FILIP1: variants seen among roughly 807,000 people sequenced by gnomAD.
The protein encoded by FILIP1 is filamin A interacting protein 1.
A neutral mutation model predicts 102.1 loss-of-function variants in FILIP1; 61 were observed. The ratio of observed to expected loss-of-function variants is 0.60; its 90% confidence interval spans 0.49 to 0.74. FILIP1 has a LOEUF of 0.74. Among genes scored for constraint, FILIP1 ranks in the 30% least tolerant of loss-of-function variants. FILIP1 has a pLI of 0.00. For missense variants in FILIP1, 1,314 were observed against 1,441.2 expected, an observed-to-expected ratio of 0.91 and a Z score of 1.43; for synonymous variants, 491 against 526.9, an observed-to-expected ratio of 0.93 and a Z score of 0.93.
intron 1 of FILIP1, among the ~76,000 whole-genome samples, chr6:75,468,537 G>T (rs1779239336): frequency 6.6e-6 from 1 of 152,182 alleles, no homozygotes; most frequent in South Asian, 2.1e-4. Context: ...AGAACAAATT[G>T]CTGACCTGTA....
At chr6:75,348,084 CACAT>C (rs774380559) in intron 4 of FILIP1, among the ~76,000 whole-genome samples, 60 of 151,614 alleles carry the variant, frequency 4.0e-4, no homozygotes, top group East Asian at 1.5e-3. Flanking sequence ...CACACACACA[CACAT>C]ACACACACTT....
chr6:75,296,137 C>T (rs1772660850), intron 6 of FILIP1, among the ~76,000 whole-genome samples: 3 of 152,102 alleles, frequency 2.0e-5, no homozygotes, highest in Admixed American at 6.5e-5. Flanking sequence ...TACTTTACCT[C>T]GAAATTTCTT....
At chr6:75,438,820 G>A (rs1778109347) in intron 1 of FILIP1, among the ~76,000 whole-genome samples, 1 of 152,170 alleles carries the variant, frequency 6.6e-6, no homozygotes, top group African/African-American at 2.4e-5. Flanking sequence ...CTAGAATGTT[G>A]CTTCTACTCA....
intron 1 of FILIP1, among the ~76,000 whole-genome samples, chr6:75,488,143 T>C (rs907578644): frequency 5.3e-5 from 8 of 152,160 alleles, no homozygotes; most frequent in African/African-American, 1.9e-4. Flanking sequence ...AACTTTCTTT[T>C]GATGTCTCAG....
At chr6:75,345,527 A>T (rs1562483541) in intron 4 of FILIP1, among the ~76,000 whole-genome samples, 1 of 151,740 alleles carries the variant, frequency 6.6e-6, no homozygotes, top group Non-Finnish European at 1.5e-5. Context: ...AGCCTCACGT[A>T]CAGTAAGGAG....
chr6:75,391,688 T>C (rs1412018723), intron 2 of FILIP1, among the ~76,000 whole-genome samples: 1 of 152,176 alleles, frequency 6.6e-6, no homozygotes, highest in East Asian at 1.9e-4. Flanking sequence ...TACCTGTTGT[T>C]AATGTTTCCC....
intron 1 of FILIP1, among the ~76,000 whole-genome samples, chr6:75,420,326 A>G (rs1458573638): frequency 6.6e-6 from 1 of 152,036 alleles, no homozygotes; most frequent in Non-Finnish European, 1.5e-5. Context: ...AGAATAGATC[A>G]GGGAACTGCC....
chr6:75,430,523 G>C (rs1777789147), intron 1 of FILIP1, among the ~76,000 whole-genome samples: 1 of 151,912 alleles, frequency 6.6e-6, no homozygotes, highest in Admixed American at 6.6e-5. Flanking sequence ...TATGTATATA[G>C]TATAAAAGAC....
chr6:75,341,106 A>T (rs1774406828), intron 4 of FILIP1, among the ~76,000 whole-genome samples: 1 of 151,406 alleles, frequency 6.6e-6, no homozygotes, highest in African/African-American at 2.4e-5. Flanking sequence ...TGATATTAGG[A>T]TTACATTAAA....
chr6:75,448,751 T>A (rs1485018821), intron 1 of FILIP1, among the ~76,000 whole-genome samples: 1 of 152,102 alleles, frequency 6.6e-6, no homozygotes, highest in Non-Finnish European at 1.5e-5. Context: ...ATGCTCAACA[T>A]CACTAATGAT....
chr6:75,389,284 T>G (rs901564412), intron 2 of FILIP1, among the ~76,000 whole-genome samples: 1 of 152,228 alleles, frequency 6.6e-6, no homozygotes, highest in African/African-American at 2.4e-5. Context: ...CAGTATTTTA[T>G]TGAGTATTTT....
intron 1 of FILIP1, among the ~76,000 whole-genome samples, chr6:75,460,557 T>C (rs1489535611): frequency 3.3e-5 from 5 of 152,202 alleles, no homozygotes; most frequent in Non-Finnish European, 5.9e-5. Flanking sequence ...AAAGTAGATA[T>C]CTAGGAATTT....
chr6:75,345,096 T>C (rs1045754241), intron 4 of FILIP1, among the ~76,000 whole-genome samples: 1 of 152,280 alleles, frequency 6.6e-6, no homozygotes, highest in Non-Finnish European at 1.5e-5. Context: ...TTTTCTAAAA[T>C]AAGAGATATC....
chr6:75,436,130 TGG>T (rs1302829331), intron 1 of FILIP1, among the ~76,000 whole-genome samples: 1 of 152,078 alleles, frequency 6.6e-6, no homozygotes, highest in African/African-American at 2.4e-5. Flanking sequence ...CCCAGCACTT[TGG>T]GAGGCCGAGG....
chr6:75,353,882 G>A (rs926045358), intron 3 of FILIP1, among the ~76,000 whole-genome samples, 165 bp from the exon 4 acceptor site: 3 of 152,164 alleles, frequency 2.0e-5, no homozygotes, highest in African/African-American at 7.2e-5. Context: ...TATGCTGATT[G>A]GCTGTGTAAA....
At chr6:75,447,171 A>G (rs1778467506) in intron 1 of FILIP1, among the ~76,000 whole-genome samples, 1 of 152,190 alleles carries the variant, frequency 6.6e-6, no homozygotes, top group South Asian at 2.1e-4. Flanking sequence ...ATTTTTAGCT[A>G]TAACAAAGTT....
intron 2 of FILIP1, among the ~76,000 whole-genome samples, chr6:75,395,672 G>A (rs566336006): frequency 1.4e-3 from 211 of 152,218 alleles, no homozygotes; most frequent in Non-Finnish European, 2.2e-3. Flanking sequence ...TTAGAGCATC[G>A]TCCCATCCAT....
intron 2 of FILIP1, among the ~76,000 whole-genome samples, chr6:75,388,744 G>T (rs1776182990): frequency 2.0e-5 from 3 of 152,178 alleles, no homozygotes. Flanking sequence ...AGACTTTACT[G>T]AAGCTGCTTT....
chr6:75,322,892 C>A (rs1240374823), intron 4 of FILIP1, among the ~76,000 whole-genome samples: 1 of 152,122 alleles, frequency 6.6e-6, no homozygotes, highest in Non-Finnish European at 1.5e-5. Context: ...CGGGGTTTTA[C>A]CATCTCGGCC....
Sources: allele counts gnomAD v4.1 joint callset (sites outside exome capture counted in the v4.1 genomes callset), GRCh38; gene constraint gnomAD v4.1.1; transcripts MANE v1.5; gene names NCBI Gene and HGNC (gene_info 2026-07-23, HGNC 2026-07-21).